TRPA1: variants seen among roughly 807,000 people sequenced by gnomAD.
TRPA1 encodes the protein transient receptor potential cation channel subfamily A member 1.
TRPA1 carries 129 observed loss-of-function variants against 131.3 expected under a neutral mutation model. That is an observed-to-expected ratio of 0.98 (90% confidence interval 0.85 to 1.14). The LOEUF is 1.14. TRPA1 is among the 50% of genes most tolerant of loss of function. The probability of loss-of-function intolerance (pLI) is 0.00; values close to 1 mark genes in which losing one functional copy is unlikely to be tolerated. For synonymous variants in TRPA1, 441 were observed against 451.7 expected (o/e 0.98, Z 0.30); for missense variants, 1,304 against 1,354.2 (o/e 0.96, Z 0.58).
At chr8:72,067,158 G>C (rs774533887) in intron 3 of TRPA1, among the ~76,000 whole-genome samples, 1 of 152,164 alleles carries the variant, frequency 6.6e-6, no homozygotes, top group Non-Finnish European at 1.5e-5. Flanking sequence ...TTTGAGGGAC[G>C]GTCAGTGGAG....
intron 25 of TRPA1, 152 bp from the exon 26 acceptor site, chr8:72,024,063 A>G (rs1316252407): frequency 4.8e-6 from 3 of 620,384 alleles, no homozygotes; most frequent in Admixed American, 2.8e-5. Context: ...AGAAAGAGAC[A>G]TGTGAAGAAA....
chr8:72,063,384 GAA>G (rs34929058), intron 5 of TRPA1, 77 bp downstream of exon 5: 366 of 920,436 alleles, frequency 4.0e-4, no homozygotes, highest in East Asian at 8.0e-4. Flanking sequence ...CATCTCAAAA[GAA>G]AAAAAAAAAT....
At chr8:72,023,986 C>T (rs1049416360) in intron 25 of TRPA1, 75 bp from the exon 26 acceptor site, 7 of 950,068 alleles carry the variant, frequency 7.4e-6, no homozygotes, top group Non-Finnish European at 1.2e-5. Flanking sequence ...TGCCAAAATT[C>T]AACCACCACT....
At chr8:72,025,852 G>T in intron 25 of TRPA1, 108 bp downstream of exon 25, 1 of 914,130 alleles carries the variant, frequency 1.1e-6, no homozygotes, top group South Asian at 1.4e-5. Flanking sequence ...TCTGCCCACA[G>T]GCAGAGAAGA....
intron 18 of TRPA1, 41 bp from the exon 19 acceptor site, chr8:72,039,068 C>CA: frequency 6.2e-7 from 1 of 1,602,368 alleles, no homozygotes; most frequent in Non-Finnish European, 8.5e-7. Flanking sequence ...TCATTTCAAA[C>CA]AAAAATATTT....
intron 8 of TRPA1, among the ~76,000 whole-genome samples, chr8:72,058,707 C>T (rs1444824125): frequency 6.6e-6 from 1 of 152,122 alleles, no homozygotes; most frequent in Non-Finnish European, 1.5e-5. Flanking sequence ...TATAATGAGT[C>T]TCCCCAGCAC....
At chr8:72,085,845 T>G in the TRPA1 span, among the ~76,000 whole-genome samples, 2 of 152,304 alleles carry the variant, frequency 1.3e-5, no homozygotes, top group Admixed American at 1.3e-4. Flanking sequence ...CCTGGTTAGG[T>G]TCACCTTGTG....
chr8:72,087,036 A>G, the TRPA1 span, among the ~76,000 whole-genome samples: 1 of 152,226 alleles, frequency 6.6e-6, no homozygotes, highest in East Asian at 1.9e-4. Flanking sequence ...AATTTTTTTT[A>G]TAGGAAGAAA....
intron 16 of TRPA1, 96 bp downstream of exon 16, chr8:72,047,052 G>T: frequency 2.2e-6 from 2 of 915,362 alleles, no homozygotes; most frequent in Non-Finnish European, 3.5e-6. Flanking sequence ...AATACCATCT[G>T]CAGTAGATTA....
chr8:72,026,438 G>A (rs561275767), intron 24 of TRPA1, among the ~76,000 whole-genome samples: 4 of 152,338 alleles, frequency 2.6e-5, no homozygotes, highest in Admixed American at 1.3e-4. Context: ...ATACTCTTGC[G>A]GTGTTGCAAT....
chr8:72,028,799 A>G (rs912667495), intron 24 of TRPA1, among the ~76,000 whole-genome samples: 8 of 152,242 alleles, frequency 5.3e-5, no homozygotes, highest in Non-Finnish European at 1.2e-4. Flanking sequence ...GTATTGAAAC[A>G]TTGTTTTCAA....
Position 72,038,863 on chromosome 8 carries a change from A to G in TRPA1, c.2295+2T>C, listed in dbSNP as rs1230199812. On this transcript the variant is annotated splice_donor_variant, in intron 19 of 26. Coordinates refer to ENST00000262209, the MANE Select transcript of TRPA1 (RefSeq NM_007332.3). LOFTEE classifies it high-confidence loss of function. ...TTTTAGAAAGTTAAAATTTGAAATT[A>G]CCGTGGTATCTAGTATTTCTGAATG... The G allele has an allele frequency of 6.2e-7, 1 of 1,608,834 alleles. No homozygotes were observed. Among genetic ancestry groups the G allele is most frequent in the African/African-American group, 1.3e-5 (1 of 74,732 alleles).
chr8:72,064,945 T>C (rs1734248384), intron 4 of TRPA1, among the ~76,000 whole-genome samples: 1 of 152,174 alleles, frequency 6.6e-6, no homozygotes, highest in South Asian at 2.1e-4. Context: ...TAAGAACCTT[T>C]GTCATTACAT....
chr8:72,079,092 G>A (rs371751989), upstream of TRPA1, among the ~76,000 whole-genome samples: 24 of 151,668 alleles, frequency 1.6e-4, no homozygotes, highest in East Asian at 9.6e-4. Flanking sequence ...TTTAAATTGC[G>A]TTGTCTTCTT....
intron 7 of TRPA1, chr8:72,060,267 C>A (rs1805776530): frequency 6.6e-6 from 1 of 151,800 alleles, no homozygotes; most frequent in Non-Finnish European, 1.5e-5. Context: ...TAACAATAAC[C>A]AAATCATTGG....
At chr8:72,080,176 A>G (rs941358571), upstream of TRPA1, among the ~76,000 whole-genome samples, 10 of 151,828 alleles carry the variant, frequency 6.6e-5, no homozygotes, top group African/African-American at 2.4e-4. Flanking sequence ...GCTCTAGGAC[A>G]TTGTTGAATA....
intron 26 of TRPA1, chr8:72,023,324 T>A (rs1811463990): frequency 1.6e-6 from 1 of 622,486 alleles, no homozygotes; most frequent in Admixed American, 2.8e-5. Flanking sequence ...TCATGGCTAG[T>A]TTATTTTTGT....
At chr8:72,054,203 C>T (rs1805602509) in intron 12 of TRPA1, 1 of 304,502 alleles carries the variant, frequency 3.3e-6, no homozygotes, top group African/African-American at 2.2e-5. Context: ...TGAACTGATA[C>T]ACATCAATTT....
At chr8:72,038,160 T>TA in intron 19 of TRPA1, 88 bp from the exon 20 acceptor site, 1 of 763,896 alleles carries the variant, frequency 1.3e-6, no homozygotes, top group Non-Finnish European at 2.1e-6. Flanking sequence ...ATTTCTTTTT[T>TA]CTTTTTTTTT....
Sources: gnomAD v4.1 joint callset for allele counts (sites outside exome capture counted in the v4.1 genomes callset) on GRCh38, gnomAD v4.1.1 for gene constraint, MANE v1.5 for transcripts, NCBI Gene and HGNC (gene_info 2026-07-23, HGNC 2026-07-21) for gene names.